KANSL3: variants seen among roughly 807,000 people sequenced by gnomAD.
The protein encoded by KANSL3 is NSL complex protein NSL3.
KANSL3 carries 16 observed loss-of-function variants against 89.2 expected under a neutral mutation model. The ratio of observed to expected loss-of-function variants is 0.18; its 90% CI spans 0.12 to 0.27. KANSL3 has a LOEUF of 0.27. KANSL3 is among the 10% of genes least tolerant of loss of function. The pLI is 1.00. For missense variants in KANSL3, 879 were observed against 1,110.6 expected, an observed-to-expected ratio of 0.79 and a Z score of 2.96; for synonymous variants, 385 against 419.7, an observed-to-expected ratio of 0.92 and a Z score of 1.01.
chr2:96,635,963 C>A (rs1257968668), intron 2 of KANSL3, among the ~76,000 whole-genome samples: 2 of 151,296 alleles, frequency 1.3e-5, no homozygotes, highest in African/African-American at 2.4e-5. Flanking sequence ...CACTGCACTC[C>A]AGCCTGGGCG....
At chr2:96,589,093 G>T (rs1408629311), downstream of KANSL3, among the ~76,000 whole-genome samples, 1 of 152,024 alleles carries the variant, frequency 6.6e-6, no homozygotes, top group African/African-American at 2.4e-5. Flanking sequence ...AACTCAAACC[G>T]CTATGAATAA....
At chr2:96,620,819 T>C (rs761804894) in intron 3 of KANSL3, among the ~76,000 whole-genome samples, 58 of 151,626 alleles carry the variant, frequency 3.8e-4, no homozygotes, top group African/African-American at 1.3e-3. Context: ...TCTGTGCAAA[T>C]GGCAAAACCC....
At chr2:96,588,279 G>T (rs891325526), downstream of KANSL3, among the ~76,000 whole-genome samples, 3 of 152,054 alleles carry the variant, frequency 2.0e-5, no homozygotes, top group African/African-American at 7.2e-5. Flanking sequence ...CTACAAACGG[G>T]AAACAATTTG....
the KANSL3 span, among the ~76,000 whole-genome samples, chr2:96,586,037 G>T: frequency 6.6e-6 from 1 of 152,076 alleles, no homozygotes; most frequent in Non-Finnish European, 1.5e-5. Flanking sequence ...CACCAGCCTG[G>T]CCAACATGGT....
intron 6 of KANSL3, 95 bp from the exon 7 acceptor site, chr2:96,613,029 G>A: frequency 3.8e-6 from 3 of 781,304 alleles, no homozygotes; most frequent in Non-Finnish European, 6.6e-6. Context: ...CCCAACCAAT[G>A]CTCCTTTGCT....
intron 5 of KANSL3, among the ~76,000 whole-genome samples, chr2:96,614,662 T>C (rs747594171): frequency 6.6e-6 from 1 of 151,526 alleles, no homozygotes; most frequent in Non-Finnish European, 1.5e-5. Flanking sequence ...TCCCAGCTAC[T>C]TGGGAAGCTG....
At position 96,601,762 on chromosome 2, in the gene KANSL3, T is replaced by C. The variant is rs761815968; in HGVS notation, c.2497A>G (p.Thr833Ala). ...SNQASGLKVPTTITLTLRGQP... is the reference protein window; with the variant it reads ...SNQASGLKVPATITLTLRGQP... ...CCACGAAGTGTCAGAGTAATGGTGGTGGGGACCTTCAAGCCTGAGATAAAG... is the reference window on the plus strand; with the variant it reads ...CCACGAAGTGTCAGAGTAATGGTGGCGGGGACCTTCAAGCCTGAGATAAAG... The change falls in exon 20 of 21, where the codon ACC becomes GCC. Residue 833 changes from threonine to alanine, a missense_variant. Physicochemically the swap from Thr to Ala is moderately conservative, Grantham distance 58. Transcript: ENST00000431828. 5 of 1,574,122 alleles carry C rather than the reference T, an allele frequency of 3.2e-6. No homozygotes were observed. Among genetic ancestry groups the C allele is most frequent in the Non-Finnish European group, 4.3e-6 (5 of 1,161,508 alleles).
In KANSL3 at chr2:96,609,005, A is replaced by C; in HGVS notation, c.1443T>G (p.Ser481=). ...TCTCAGCATCCTGATCCCGAGGTTC[A>C]GAGCCCATGTGACCCTCAGCACGAG... The part of the protein sequence containing the change: ...VLTRAEGHMG[S]EPRDQDAEKK... Residue 481 remains serine (S), a synonymous_variant, in exon 13 of 21, where the codon TCT becomes TCG. Coordinates refer to ENST00000431828, the MANE Select transcript of KANSL3 (RefSeq NM_001115016.3). 1 of 1,565,348 alleles carries C rather than the reference A, an allele frequency of 6.4e-7. No individual in the cohort carries two copies. Among genetic ancestry groups the C allele is most frequent in the South Asian group, 1.2e-5 (1 of 84,830 alleles).
intron 20 of KANSL3, chr2:96,599,737 T>C: frequency 3.5e-6 from 2 of 574,276 alleles, no homozygotes; most frequent in African/African-American, 2.0e-5. Context: ...TCAAAGAGTA[T>C]GACAAACATT....
downstream of KANSL3, among the ~76,000 whole-genome samples, chr2:96,590,852 G>A (rs374730183): frequency 2.6e-5 from 4 of 152,062 alleles, no homozygotes; most frequent in East Asian, 3.9e-4. Flanking sequence ...CGGTCCTGGT[G>A]GTGTGTGCCT....
the KANSL3 span, among the ~76,000 whole-genome samples, chr2:96,582,025 T>C: frequency 1.3e-5 from 2 of 152,246 alleles, no homozygotes; most frequent in Admixed American, 6.5e-5. Flanking sequence ...TCTTTTGATA[T>C]TGCCCTAAGG....
rs2106095742 is a variant in KANSL3, at chr2:96,628,982, G to C, written c.386+2330C>G. Among the ~76,000 whole-genome samples, 2 of 152,236 alleles carry C rather than the reference G, an allele frequency of 1.3e-5. 1 individual carries two copies. Among genetic ancestry groups the C allele is most frequent in the South Asian group, 4.2e-4 (2 of 4,816 alleles). On this transcript the variant is annotated intron_variant, in intron 3 of 20. Transcript: ENST00000431828. ...GTTCTGGAGTCAGGCTGCTTGGTTT[G>C]AACAAAATCCTTCTCCATCACTTCC...
chr2:96,621,357 T>C (rs1169524097), intron 3 of KANSL3, among the ~76,000 whole-genome samples: 2 of 151,532 alleles, frequency 1.3e-5, no homozygotes, highest in South Asian at 2.1e-4. Flanking sequence ...CTACTAAAAA[T>C]ACAAAAATTA....
chr2:96,614,597 C>G (rs1277053990), intron 5 of KANSL3, among the ~76,000 whole-genome samples: 1 of 151,616 alleles, frequency 6.6e-6, no homozygotes, highest in African/African-American at 2.4e-5. Flanking sequence ...ATGGTGAAAC[C>G]CTGTCTCCAC....
chr2:96,630,728 G>A (rs1278781770), intron 3 of KANSL3, among the ~76,000 whole-genome samples: 1 of 152,146 alleles, frequency 6.6e-6, no homozygotes, highest in African/African-American at 2.4e-5. Context: ...TTTACCAAAT[G>A]AACAGGGACA....
chr2:96,622,113 CAAAAA>C (rs113914476), intron 3 of KANSL3, among the ~76,000 whole-genome samples: 4 of 130,610 alleles, frequency 3.1e-5, no homozygotes, highest in East Asian at 2.1e-4. Flanking sequence ...GACTCCAGCT[CAAAAA>C]AAAAAAAAAA....
downstream of KANSL3, among the ~76,000 whole-genome samples, chr2:96,590,987 A>AAAAAC (rs61301801): frequency 0.044 from 6,605 of 151,538 alleles, 340 homozygotes; most frequent in African/African-American, 0.13. Context: ...CTCCGTCTCA[A>AAAAAC]AAAACAAAAC....
At chr2:96,580,821 A>G in the KANSL3 span, among the ~76,000 whole-genome samples, 1 of 152,250 alleles carries the variant, frequency 6.6e-6, no homozygotes, top group Non-Finnish European at 1.5e-5. Flanking sequence ...CACAGGAGGT[A>G]CAAGACTTTT....
chr2:96,606,571 AAAGGAG>A, intron 14 of KANSL3: 1 of 174,694 alleles, frequency 5.7e-6, no homozygotes, highest in Non-Finnish European at 1.2e-5. Flanking sequence ...GGTGTAGGGG[AAAGGAG>A]TTTCAGGTTC....
Sources: allele counts gnomAD v4.1 joint callset (sites outside exome capture counted in the v4.1 genomes callset), GRCh38; gene constraint gnomAD v4.1.1; transcripts MANE v1.5; gene names NCBI Gene and HGNC (gene_info 2026-07-23, HGNC 2026-07-21).